Variants in DLGAP1 observed in about 807,000 individuals in gnomAD.
DLGAP1 encodes the protein DLG associated protein 1.
In DLGAP1, 11 loss-of-function variants were observed where a neutral mutation model predicts 90.8. That is an observed-to-expected ratio of 0.12 (90% CI 0.08 to 0.20). The LOEUF (loss-of-function observed/expected upper bound fraction) is 0.20, where lower values mean the gene tolerates loss of function less well. DLGAP1 is among the 10% of genes least tolerant of loss of function. DLGAP1 has a pLI of 1.00. For synonymous variants in DLGAP1, 558 were observed against 540.7 expected, an observed-to-expected ratio of 1.03 and a Z score of -0.44; for missense variants, 1,050 against 1,333.8, an observed-to-expected ratio of 0.79 and a Z score of 3.31.
intron 1 of DLGAP1, among the ~76,000 whole-genome samples, chr18:4,188,099 A>G (rs534246464): frequency 1.6e-4 from 24 of 152,304 alleles, no homozygotes; most frequent in African/African-American, 5.5e-4. Context: ...GGACATTGGC[A>G]TCTGATTATC....
chr18:4,282,100 C>T (rs914987918), intron 1 of DLGAP1, among the ~76,000 whole-genome samples: 2 of 152,146 alleles, frequency 1.3e-5, no homozygotes, highest in African/African-American at 2.4e-5. Context: ...TGAAGGGGCT[C>T]ACGCCTGTAA....
chr18:4,166,080 G>A (rs571638569), intron 1 of DLGAP1, among the ~76,000 whole-genome samples: 1 of 152,034 alleles, frequency 6.6e-6, no homozygotes, highest in Admixed American at 6.5e-5. Context: ...GATCACTTGA[G>A]TTCAGGAATT....
chr18:4,211,029 A>C (rs1486851890), intron 1 of DLGAP1, among the ~76,000 whole-genome samples: 2 of 152,228 alleles, frequency 1.3e-5, no homozygotes, highest in Admixed American at 1.3e-4. Flanking sequence ...TTCAAAGAGA[A>C]CAATGTAGCT....
chr18:4,153,178 A>G (rs2076702244), intron 1 of DLGAP1, among the ~76,000 whole-genome samples: 1 of 152,224 alleles, frequency 6.6e-6, no homozygotes, highest in Non-Finnish European at 1.5e-5. Flanking sequence ...CATCTAGTGT[A>G]ATGGTTGCCA....
chr18:3,519,062 C>G lies in DLGAP1; in HGVS notation c.2480-10401G>C, dbSNP rs2051013794. Among the ~76,000 whole-genome samples the G allele has an allele frequency of 1.3e-5, 2 of 152,128 alleles. 1 individual carries two copies. The highest frequency in any genetic ancestry group is 1.3e-4 in the Admixed American group (2 of 15,266). ...CTCTGTATAATCTAGCACAGTTTCC[C>G]CCAGCCATCAGAGCTAGAACAGTGG... On this transcript the variant is annotated intron_variant, in intron 10 of 12. Coordinates refer to ENST00000315677, the MANE Select transcript of DLGAP1 (RefSeq NM_004746.4).
chr18:3,889,292 T>C (rs1399652673), intron 3 of DLGAP1, among the ~76,000 whole-genome samples: 2 of 152,036 alleles, frequency 1.3e-5, no homozygotes. Flanking sequence ...GCAGTGGAAA[T>C]AGCCTCTGAT....
At chr18:3,618,119 C>T (rs2057946821) in intron 7 of DLGAP1, among the ~76,000 whole-genome samples, 1 of 152,120 alleles carries the variant, frequency 6.6e-6, no homozygotes, top group South Asian at 2.1e-4. Flanking sequence ...TGAGTTTGAC[C>T]AGAGTCTAAC....
chr18:3,946,847 C>T (rs998999392), intron 3 of DLGAP1, among the ~76,000 whole-genome samples: 1 of 152,138 alleles, frequency 6.6e-6, no homozygotes, highest in Middle Eastern at 3.2e-3. Context: ...AAGAAAAAAA[C>T]TGATAAATTG....
In DLGAP1 at chr18:4,087,060, T is replaced by C. The variant is rs8098632; in HGVS notation, c.-159+64120A>G. Among the ~76,000 whole-genome samples, 4 of 96,854 alleles carry C rather than the reference T, an allele frequency of 4.1e-5. 1 individual carries two copies. Among genetic ancestry groups the C allele is most frequent in the African/African-American group, 1.6e-4 (4 of 24,926 alleles). The allele number at this position is 96,854 out of a possible 152,430, so 63.5% of individuals were successfully genotyped here. A position where few individuals can be genotyped will look rare whatever the true frequency, so the allele number is the denominator to read the frequency against. The stretch of plus-strand genomic sequence containing the variant: ...ATATATACACAAACACATATATATA[T>C]ACACACACTTATATATACATATATG... On this transcript the variant is annotated intron_variant, in intron 2 of 12. Transcript: ENST00000315677.
At chr18:4,025,410 C>A (rs187764396) in intron 2 of DLGAP1, among the ~76,000 whole-genome samples, 212 of 152,034 alleles carry the variant, frequency 1.4e-3, no homozygotes, top group African/African-American at 4.6e-3. Flanking sequence ...AAGTGGAATG[C>A]AAATATTCCA....
At chr18:4,007,621 A>C (rs2074330350) in intron 2 of DLGAP1, among the ~76,000 whole-genome samples, 1 of 152,118 alleles carries the variant, frequency 6.6e-6, no homozygotes, top group Admixed American at 6.5e-5. Flanking sequence ...GCATCACTGC[A>C]CTCCAGCCTG....
intron 10 of DLGAP1, among the ~76,000 whole-genome samples, chr18:3,533,382 G>C (rs1457498854): frequency 6.6e-6 from 1 of 152,150 alleles, no homozygotes; most frequent in African/African-American, 2.4e-5. Context: ...GCAGCTAAAG[G>C]GTTTGCCCCT....
At position 3,951,993 on chromosome 18, in the gene DLGAP1, T is replaced by C. The variant is rs1351137310; in HGVS notation, c.-73+53123A>G. On this transcript the variant is annotated intron_variant, in intron 3 of 12. Transcript: ENST00000315677. ...CCTATTAACTGAGTATCAGTTTTAC[T>C]GAAGATTTAGGTTATTAGAATTATT... Among the ~76,000 whole-genome samples the C allele has an allele frequency of 3.9e-5, 6 of 152,310 alleles. No homozygotes were observed. The East Asian group carries it at 9.7e-4, about 25-fold the overall frequency.
intron 7 of DLGAP1, among the ~76,000 whole-genome samples, chr18:3,686,213 A>C (rs1260995256): frequency 7.2e-5 from 11 of 152,148 alleles, no homozygotes; most frequent in Admixed American, 6.6e-4. Context: ...ATAAACTAAA[A>C]TAAATAAATA....
chr18:4,127,964 T>A (rs887199772), intron 2 of DLGAP1, among the ~76,000 whole-genome samples: 6 of 152,192 alleles, frequency 3.9e-5, no homozygotes, highest in African/African-American at 1.4e-4. Context: ...ACAGTAAGAC[T>A]GAGCTTTTTC....
intron 2 of DLGAP1, among the ~76,000 whole-genome samples, chr18:4,106,509 T>C (rs2075870616): frequency 6.6e-6 from 1 of 151,064 alleles, no homozygotes; most frequent in East Asian, 2.0e-4. Context: ...TGCATTGCGT[T>C]TAGCTGTTTT....
At chr18:4,363,662 C>T (rs938854042) in intron 1 of DLGAP1, among the ~76,000 whole-genome samples, 1 of 151,252 alleles carries the variant, frequency 6.6e-6, no homozygotes, top group African/African-American at 2.4e-5. Flanking sequence ...AAAATGCTCA[C>T]CATCACTGGT....
intron 7 of DLGAP1, among the ~76,000 whole-genome samples, chr18:3,705,982 A>ATTTTTT (rs71368704): frequency 1.6e-5 from 2 of 127,290 alleles, no homozygotes; most frequent in Non-Finnish European, 3.3e-5. Context: ...TTAATGGTGC[A>ATTTTTT]TTTTTTTTTT....
chr18:3,576,428 T>C (rs2055141683), intron 8 of DLGAP1, among the ~76,000 whole-genome samples: 1 of 151,606 alleles, frequency 6.6e-6, no homozygotes, highest in Non-Finnish European at 1.5e-5. Context: ...CCAACTAATT[T>C]TTTTGTATTT....
Sources: allele counts gnomAD v4.1 joint callset (sites outside exome capture counted in the v4.1 genomes callset), GRCh38; gene constraint gnomAD v4.1.1; transcripts MANE v1.5; gene names NCBI Gene and HGNC (gene_info 2026-07-23, HGNC 2026-07-21).